CES2: variants seen among roughly 807,000 people sequenced by gnomAD.
The protein encoded by CES2 is cocaine esterase.
A neutral mutation model predicts 52.1 loss-of-function variants in CES2; 42 were observed. The ratio of observed to expected loss-of-function variants is 0.81; its 90% confidence interval spans 0.63 to 1.04. The LOEUF is 1.04. Ranked by LOEUF, CES2 falls within the 50% of genes least tolerant of loss-of-function variation. The pLI, the probability that CES2 is intolerant of heterozygous loss-of-function variation, is 0.00. For synonymous variants in CES2, 277 were observed against 289.6 expected, an observed-to-expected ratio of 0.96 and a Z score of 0.44; for missense variants, 656 against 724.3, an observed-to-expected ratio of 0.91 and a Z score of 1.08.
At chr16:66,940,381 C>G (rs377418721) in intron 4 of CES2, 26 bp downstream of exon 4, 31 of 1,614,016 alleles carry the variant, frequency 1.9e-5, no homozygotes, top group Admixed American at 1.5e-4. Context: ...GGCTGGGCAA[C>G]CCGGGCTGAG....
intron 8 of CES2, 106 bp downstream of exon 8, chr16:66,941,954 G>A: frequency 6.5e-7 from 1 of 1,549,554 alleles, no homozygotes; most frequent in Non-Finnish European, 8.8e-7. Flanking sequence ...ACCCCCATGA[G>A]CAAAGGCCTG....
In CES2 at chr16:66,943,354, C is replaced by T; in HGVS notation, c.1476C>T (p.Ala492=). The part of the protein sequence containing the change: ...QLSRKMMKYW[A]NFARNGNPNG... ...GCAGGAAGATGATGAAGTACTGGGC[C>T]AACTTTGCGAGAAATGGGTGAGACA... Residue 492 remains alanine, a synonymous_variant, in exon 11 of 12, where the codon GCC becomes GCT. Transcript: ENST00000317091. The surrounding 1 kb of genome is among the most constrained non-coding windows in gnomAD (Gnocchi z 4.2). 1 of 1,614,046 alleles carries T rather than the reference C, an allele frequency of 6.2e-7. No individual in the cohort carries two copies. The highest frequency in any genetic ancestry group is 1.1e-5 in the South Asian group (1 of 91,070).
intron 3 of CES2, 117 bp from the exon 4 acceptor site, chr16:66,940,105 G>C: frequency 7.1e-7 from 1 of 1,405,628 alleles, no homozygotes; most frequent in South Asian, 1.4e-5. Context: ...TAATGAATTT[G>C]TGCTGGAGAT....
chr16:66,935,511 C>T (rs1225463979), upstream of CES2: 17 of 1,614,094 alleles, frequency 1.1e-5, no homozygotes, highest in African/African-American at 2.7e-5. Flanking sequence ...ACCCCGCTGA[C>T]TCCCTGCCCA....
chr16:66,939,352 C>T lies in CES2; in HGVS notation c.417C>T (p.Asn139=). 1 of 1,614,126 alleles carries T rather than the reference C, an allele frequency of 6.2e-7. No individual in the cohort carries two copies. Among genetic ancestry groups the T allele is most frequent in the Non-Finnish European group, 8.5e-7 (1 of 1,180,016 alleles). The change falls in exon 3 of 12, where the codon AAC becomes AAT. Residue 139 remains asparagine, a synonymous_variant. Coordinates refer to ENST00000317091, the MANE Select transcript of CES2 (RefSeq NM_001365405.1). ...YTPAHSHEGS[N]LPVMVWIHGG... ...CGGCCCATAGCCATGAAGGCTCTAA[C>T]CTGCCGGTGGGTGTCAGGCCACAGT...
chr16:66,936,065 T>G, intron 1 of CES2: 1 of 1,155,670 alleles, frequency 8.7e-7, no homozygotes, highest in Non-Finnish European at 1.1e-6. Flanking sequence ...TAGCGGGTGC[T>G]GCCGGCCGGT....
At chr16:66,934,522 GC>G, upstream of CES2, 1 of 1,155,130 alleles carries the variant, frequency 8.7e-7, no homozygotes, top group African/African-American at 1.6e-5. This position sits in a 1 kb window ranked among gnomAD's most constrained non-coding sequence, Gnocchi z 4.1. Flanking sequence ...AGCGGTGACC[GC>G]GGCCCTGGCT....
rs542669098 is a variant in CES2 at position 66,942,955 on chromosome 16, A to G, written c.1420+170A>G. Among the ~76,000 whole-genome samples the G allele has an allele frequency of 7.8e-4, 119 of 151,828 alleles. No homozygotes were observed. In the South Asian group the frequency reaches 0.015, roughly 19 times the overall value. On this transcript the variant is annotated intron_variant, in intron 10 of 11. Coordinates refer to ENST00000317091, the MANE Select transcript of CES2 (RefSeq NM_001365405.1). Reference sequence around the variant, plus strand: ...AGCTGCACCAGGATTAGAATTCACGACTCTTCAGACTGTGAGCTGTGCTCC... The same window carrying G: ...AGCTGCACCAGGATTAGAATTCACGGCTCTTCAGACTGTGAGCTGTGCTCC...
chr16:66,941,183 G>C lies in CES2; in HGVS notation c.876G>C (p.Leu292=). The change falls in exon 6 of 12, where the codon CTG becomes CTC. Residue 292 remains leucine (L), a synonymous_variant. Transcript: ENST00000317091. ...ACTCTGAGGCCCTGGTGGGCTGCCT[G>C]CGGGGCAAGAGTAAAGAGGAGATTC... is the stretch of plus-strand genomic sequence containing the variant. ...QVDSEALVGC[L]RGKSKEEILA... The C allele has an allele frequency of 1.2e-6, 2 of 1,614,180 alleles. No homozygotes were observed. Among genetic ancestry groups the C allele is most frequent in the Non-Finnish European group, 1.7e-6 (2 of 1,180,022 alleles).
Position 66,943,950 on chromosome 16 carries a change from C to T in CES2, c.1605C>T (p.Leu535=). ...AVGRALKAHR[L]QFWKKALPQK... The stretch of plus-strand genomic sequence containing the variant: ...GCCGGGCTCTGAAGGCCCACAGGCT[C>T]CAGTTCTGGAAGAAGGCGCTGCCCC... Residue 535 remains leucine (L), a synonymous_variant, in exon 12 of 12, where the codon CTC becomes CTT. Coordinates refer to ENST00000317091, the MANE Select transcript of CES2 (RefSeq NM_001365405.1). The surrounding 1 kb of genome is among the most constrained non-coding windows in gnomAD (Gnocchi z 4.2). The T allele has an allele frequency of 6.2e-7, 1 of 1,607,956 alleles. No individual in the cohort carries two copies. The highest frequency in any genetic ancestry group is 8.5e-7 in the Non-Finnish European group (1 of 1,175,570).
chr16:66,935,360 G>C, upstream of CES2: 1 of 1,400,644 alleles, frequency 7.1e-7, no homozygotes, highest in Admixed American at 2.2e-5. Flanking sequence ...GAATGGCACA[G>C]CCCCTTCCGA....
intron 9 of CES2, 121 bp from the exon 10 acceptor site, chr16:66,942,527 G>C: frequency 1.8e-6 from 2 of 1,130,218 alleles, no homozygotes; most frequent in Non-Finnish European, 1.3e-6. Context: ...CCCAGCCTGG[G>C]GCTCCACACC....
At chr16:66,941,244 T>A (rs1199724321) in intron 6 of CES2, 22 bp downstream of exon 6, 1 of 1,613,042 alleles carries the variant, frequency 6.2e-7, no homozygotes, top group East Asian at 2.2e-5. Flanking sequence ...TGGATGTGGG[T>A]GTAGAGGAAG....
chr16:66,944,097 C>T lies in CES2; in HGVS notation c.*72C>T, dbSNP rs1161674217. On this transcript the variant is annotated 3_prime_UTR_variant, in exon 12 of 12. Coordinates refer to ENST00000317091, the MANE Select transcript of CES2 (RefSeq NM_001365405.1). The stretch of plus-strand genomic sequence containing the variant: ...TCAGCCTGCTGTGCCCACACACACC[C>T]ACTAAGGAGAAAGAAGTTGATTCCT... The T allele has an allele frequency of 1.1e-5, 8 of 705,410 alleles. No homozygotes were observed. The highest frequency in any genetic ancestry group is 1.8e-5 in the Non-Finnish European group (8 of 453,668). The allele number at this position is 705,410 out of a possible 1,614,324, so 43.7% of individuals were successfully genotyped here.
intron 2 of CES2, 65 bp from the exon 3 acceptor site, chr16:66,939,152 T>C: frequency 6.7e-7 from 1 of 1,491,892 alleles, no homozygotes; most frequent in Non-Finnish European, 9.3e-7. Context: ...GGAGCACCTC[T>C]GAACCCAGGG....
chr16:66,939,086 T>G, intron 2 of CES2, 131 bp from the exon 3 acceptor site: 2 of 746,920 alleles, frequency 2.7e-6, no homozygotes, highest in Non-Finnish European at 4.4e-6. Flanking sequence ...GGGAAGGGAT[T>G]TTTGAGAGGG....
chr16:66,938,609 A>T (rs1963274345), intron 2 of CES2, among the ~76,000 whole-genome samples: 1 of 152,212 alleles, frequency 6.6e-6, no homozygotes, highest in Non-Finnish European at 1.5e-5. Context: ...CCCTAACTCT[A>T]GTGGCAGATG....
rs149886149 is a variant in CES2, at chr16:66,939,459, T to C, written c.423+101T>C. ...TCAGGCCCTGCTTCAGAGTGGACCA[T>C]GCTGAGAAGCTTCTCACTGTCAGGT... On this transcript the variant is annotated intron_variant, in intron 3 of 11. Coordinates refer to ENST00000317091, the MANE Select transcript of CES2 (RefSeq NM_001365405.1). The C allele has an allele frequency of 4.6e-4, 584 of 1,279,184 alleles. 3 individuals carry two copies. The African/African-American group carries it at 7.9e-3, about 17-fold the overall frequency. 79.2% of individuals were successfully genotyped at this position (1,279,184 alleles called of 1,614,324 possible). A position where few individuals can be genotyped will look rare whatever the true frequency, so the allele number is the denominator to read the frequency against.
chr16:66,940,309 G>C lies in CES2; in HGVS notation c.511G>C (p.Val171Leu). 1 of 1,614,160 alleles carries C rather than the reference G, an allele frequency of 6.2e-7. No individual in the cohort carries two copies. Among genetic ancestry groups the C allele is most frequent in the Non-Finnish European group, 8.5e-7 (1 of 1,180,040 alleles). ...GSMLAALENV[V>L]VVIIQYRLGV... ...CATGCTGGCTGCCTTGGAGAACGTGGTGGTGGTCATCATCCAGTACCGCCT... is the reference window on the plus strand; with the variant it reads ...CATGCTGGCTGCCTTGGAGAACGTGCTGGTGGTCATCATCCAGTACCGCCT... The change falls in exon 4 of 12, where the codon GTG (valine) becomes CTG (leucine). Residue 171 changes from valine to leucine, a missense_variant. Coordinates refer to ENST00000317091, the MANE Select transcript of CES2 (RefSeq NM_001365405.1).
Sources: allele counts gnomAD v4.1 joint callset (sites outside exome capture counted in the v4.1 genomes callset), GRCh38; gene constraint gnomAD v4.1.1; non-coding constraint Gnocchi (gnomAD v3.1); transcripts MANE v1.5; gene names NCBI Gene and HGNC (gene_info 2026-07-23, HGNC 2026-07-21).